ZNF462: variants seen among roughly 807,000 people sequenced by gnomAD.
The protein encoded by ZNF462 is zinc finger PBX1-interacting protein.
ZNF462 carries 10 observed loss-of-function variants against 201.9 expected under a neutral mutation model. The observed-to-expected ratio is 0.05, with a 90% CI of 0.03 to 0.08. The LOEUF (loss-of-function observed/expected upper bound fraction) is 0.08. Among genes scored for constraint, ZNF462 ranks in the 10% least tolerant of loss-of-function variants. The pLI is 1.00. For missense variants in ZNF462, 2,523 were observed against 3,168.3 expected, an observed-to-expected ratio of 0.80 and a Z score of 4.89; for synonymous variants, 1,227 against 1,193.3, an observed-to-expected ratio of 1.03 and a Z score of -0.58.
chr9:107,011,263 G>A lies in ZNF462; in HGVS notation c.*233G>A. 2.1e-6 allele frequency: 1 copy of A among 486,804 alleles called. No homozygotes were observed. The highest frequency in any genetic ancestry group is 3.7e-6 in the Non-Finnish European group (1 of 269,328). The allele number at this position is 486,804 out of a possible 1,614,324, so 30.2% of individuals were successfully genotyped here. A position where few individuals can be genotyped will look rare whatever the true frequency, so the allele number is the denominator to read the frequency against. On this transcript the variant is annotated 3_prime_UTR_variant, in exon 13 of 13. Transcript: ENST00000277225. This position sits in a 1 kb window ranked among gnomAD's most constrained non-coding sequence, Gnocchi z 5.6. ...TTTCCATCACTACATCTTTTCTTCC[G>A]GATCTTCATCATGGAAGTTTCATTT... is the stretch of plus-strand genomic sequence containing the variant.
At chr9:106,945,199 T>TATTTCA in intron 7 of ZNF462, among the ~76,000 whole-genome samples, 1 of 152,208 alleles carries the variant, frequency 6.6e-6, no homozygotes. Context: ...GATTCATATA[T>TATTTCA]GAAATGTAAG....
In ZNF462 at chr9:106,911,015, C is replaced by G. The variant is rs114764962; in HGVS notation, c.-30-12339C>G. Among the ~76,000 whole-genome samples, 541 of 152,200 alleles carry G rather than the reference C, an allele frequency of 3.6e-3. 6 individuals carry two copies. Among genetic ancestry groups the G allele is most frequent in the African/African-American group, 0.012 (516 of 41,498 alleles). ...GGATTTACCCAACTCTTAGTATTTT[C>G]TAGGTAAAATACTCTGATTCTTTCC... On this transcript the variant is annotated intron_variant, in intron 1 of 12. Transcript: ENST00000277225.
At chr9:106,948,132 G>C (rs1166689081) in intron 7 of ZNF462, among the ~76,000 whole-genome samples, 1 of 152,094 alleles carries the variant, frequency 6.6e-6, no homozygotes, top group Non-Finnish European at 1.5e-5. Context: ...TATCAGACAT[G>C]AGCAGAGATA....
At chr9:106,908,927 A>G (rs1349484140) in intron 1 of ZNF462, among the ~76,000 whole-genome samples, 2 of 27,538 alleles carry the variant, frequency 7.3e-5, no homozygotes, top group African/African-American at 4.8e-4. Flanking sequence ...ATATATATAT[A>G]TATATATATA....
chr9:107,008,138 C>T lies in ZNF462; in HGVS notation c.7190-1407C>T, dbSNP rs535387358. Among the ~76,000 whole-genome samples, 1 of 152,084 alleles carries T rather than the reference C, an allele frequency of 6.6e-6. No homozygotes were observed. ...ACCCAAGCAGAATCCTCCCCACCCC[C>T]CTCTCATTATGCAGTTGGGGAGGAG... On this transcript the variant is annotated intron_variant, in intron 11 of 12. Coordinates refer to ENST00000277225, the MANE Select transcript of ZNF462 (RefSeq NM_021224.6). The surrounding 1 kb of genome is among the most constrained non-coding windows in gnomAD (Gnocchi z 4.8).
chr9:107,009,675 TG>T lies in ZNF462; in HGVS notation c.7313+10del. 16 of 1,448,608 alleles carry T rather than the reference TG, an allele frequency of 1.1e-5. No individual in the cohort carries two copies. Among genetic ancestry groups the T allele is most frequent in the Non-Finnish European group, 1.5e-5 (16 of 1,078,460 alleles). The allele number at this position is 1,448,608 out of a possible 1,614,324, so 89.7% of individuals were successfully genotyped here. A position where few individuals can be genotyped will look rare whatever the true frequency, so the allele number is the denominator to read the frequency against. On this transcript the variant is annotated splice_region_variant and intron_variant, in intron 12 of 12. Transcript: ENST00000277225. This position sits in a 1 kb window ranked among gnomAD's most constrained non-coding sequence, Gnocchi z 6.1. Reference sequence around the variant, plus strand: ...ATGTGCTGAGACACGGCATGTAAGTTGGGCCACTTCAAGGATGCCTTTGTCC... The same window carrying T: ...ATGTGCTGAGACACGGCATGTAAGTTGGCCACTTCAAGGATGCCTTTGTCC...
chr9:106,879,448 C>T (rs1027271094), intron 1 of ZNF462, among the ~76,000 whole-genome samples: 1 of 150,590 alleles, frequency 6.6e-6, no homozygotes. Flanking sequence ...TTTTCTGCCT[C>T]TTTTGGAACC....
Position 106,977,941 on chromosome 9 carries a change from CAA to C in ZNF462, c.6832+3669_6832+3670del, listed in dbSNP as rs1827141388. Among the ~76,000 whole-genome samples, 1 of 151,604 alleles carries C rather than the reference CAA, an allele frequency of 6.6e-6. No homozygotes were observed. Among genetic ancestry groups the C allele is most frequent in the African/African-American group, 2.4e-5 (1 of 40,868 alleles). On this transcript the variant is annotated intron_variant, in intron 9 of 12. Transcript: ENST00000277225. The surrounding 1 kb of genome is among the most constrained non-coding windows in gnomAD (Gnocchi z 4.6). ...CAGAGCTGTGTTTCCTCTGAAGGCA[CAA>C]GAGAAGGATCCTTATTTGCCTCTTC...
intron 1 of ZNF462, among the ~76,000 whole-genome samples, chr9:106,903,674 C>T (rs1829151817): frequency 6.6e-6 from 1 of 152,152 alleles, no homozygotes; most frequent in South Asian, 2.1e-4. Context: ...CCATTGTATA[C>T]TGTCCCTCTT....
chr9:106,929,551 T>G lies in ZNF462; in HGVS notation c.5639T>G (p.Ile1880Ser), dbSNP rs921193404. The G allele has an allele frequency of 2.5e-6, 4 of 1,614,074 alleles. No homozygotes were observed. The highest frequency in any genetic ancestry group is 3.4e-6 in the Non-Finnish European group (4 of 1,180,046). Reference protein sequence around the residue: ...HSRDLKRDFIILGNGPRLQNS... With the variant: ...HSRDLKRDFISLGNGPRLQNS... The stretch of plus-strand genomic sequence containing the variant: ...CGGGACCTAAAGAGGGACTTCATCA[T>G]TCTGGGCAACGGCCCCCGCTTGCAG... The change falls in exon 3 of 13, where the codon ATT becomes AGT. Residue 1880 changes from isoleucine (I) to serine (S), a missense_variant. This residue lies in a region of ZNF462 where 207 missense variants were observed against 231.6 expected (regional missense o/e 0.89). Transcript: ENST00000277225. The surrounding 1 kb of genome is among the most constrained non-coding windows in gnomAD (Gnocchi z 8.7).
chr9:106,999,811 A>C (rs1829045136), intron 10 of ZNF462, among the ~76,000 whole-genome samples: 2 of 152,330 alleles, frequency 1.3e-5, no homozygotes, highest in South Asian at 4.1e-4. Context: ...AATGAAAATG[A>C]AGATATCCAG....
chr9:106,910,684 A>G (rs1441853774), intron 1 of ZNF462, among the ~76,000 whole-genome samples: 1 of 150,022 alleles, frequency 6.7e-6, no homozygotes, highest in East Asian at 2.0e-4. Context: ...GTGTGGCCAA[A>G]CTCTTTTTTT....
intron 1 of ZNF462, among the ~76,000 whole-genome samples, chr9:106,884,665 CATT>C (rs1405207899): frequency 1.3e-5 from 2 of 152,162 alleles, no homozygotes; most frequent in African/African-American, 4.8e-5. Context: ...AAAGGAAACA[CATT>C]ATGTTGATTT....
rs763249913 is a variant in ZNF462, at chr9:106,930,653, G to A, written c.5976G>A (p.Gln1992=). 1.2e-6 allele frequency: 2 copies of A among 1,614,190 alleles called. No homozygotes were observed. The highest frequency in any genetic ancestry group is 1.7e-6 in the Non-Finnish European group (2 of 1,180,032). Residue 1992 remains glutamine (Q), a synonymous_variant, in exon 4 of 13, where the codon CAG becomes CAA. Coordinates refer to ENST00000277225, the MANE Select transcript of ZNF462 (RefSeq NM_021224.6). The surrounding 1 kb of genome is among the most constrained non-coding windows in gnomAD (Gnocchi z 5.8). ...GCAATCACCTCCGAAAGCACGTCCA[G>A]TATGGCAATGTCCCAGCTGTGTCAG... ...AICNHLRKHV[Q]YGNVPAVSAA...
chr9:106,864,094 CTCTCTCTCT>C (rs1564062716), intron 1 of ZNF462, among the ~76,000 whole-genome samples: 25 of 129,938 alleles, frequency 1.9e-4, no homozygotes, highest in Non-Finnish European at 2.7e-4. Context: ...CTCTCTCTCT[CTCTCTCTCT>C]CTCTCTCCCT....
rs971063637 is a variant in ZNF462 at position 106,984,829 on chromosome 9, C to T, written c.7056+420C>T. 2.0e-5 allele frequency among the ~76,000 whole-genome samples: 3 copies of T among 152,100 alleles called. No homozygotes were observed. Among genetic ancestry groups the T allele is most frequent in the Non-Finnish European group, 4.4e-5 (3 of 68,026 alleles). ...GGGTTTGGCAGTTTCTATAAAGGAC[C>T]GGAGAGCAAATATTTTAGCCTTTGC... On this transcript the variant is annotated intron_variant, in intron 10 of 12. Transcript: ENST00000277225. The surrounding 1 kb of genome is among the most constrained non-coding windows in gnomAD (Gnocchi z 6.4).
Position 106,925,918 on chromosome 9 carries a change from A to G in ZNF462, c.2006A>G (p.Asn669Ser). The G allele has an allele frequency of 6.2e-7, 1 of 1,614,186 alleles. No individual in the cohort carries two copies. Among genetic ancestry groups the G allele is most frequent in the Non-Finnish European group, 8.5e-7 (1 of 1,180,026 alleles). ...QTSILGLSSK[N>S]NFVAKASRKL... ...TCAATTCTTGGGTTGTCCTCCAAGA[A>G]CAATTTTGTAGCTAAAGCCTCTAGG... The change falls in exon 3 of 13, where the codon AAC becomes AGC. Residue 669 changes from asparagine to serine, a missense_variant. Physicochemically the swap from Asn to Ser is conservative, Grantham distance 46. Transcript: ENST00000277225. This position sits in a 1 kb window ranked among gnomAD's most constrained non-coding sequence, Gnocchi z 7.9.
In ZNF462 at chr9:106,925,136, A is replaced by C; in HGVS notation, c.1224A>C (p.Thr408=). The C allele has an allele frequency of 6.2e-7, 1 of 1,614,230 alleles. No homozygotes were observed. Among genetic ancestry groups the C allele is most frequent in the Non-Finnish European group, 8.5e-7 (1 of 1,180,040 alleles). Residue 408 remains threonine (T), a synonymous_variant, in exon 3 of 13, where the codon ACA becomes ACC. Transcript: ENST00000277225. The surrounding 1 kb of genome is among the most constrained non-coding windows in gnomAD (Gnocchi z 7.9). ...GTTTAAGTGCTATGGATCACCAGAC[A>C]TCAGGCCTGTCTGCAGAGCAGCTGA... ...ENGLSAMDHQ[T]SGLSAEQLMG...
At position 106,928,841 on chromosome 9, in the gene ZNF462, C is replaced by T. The variant is rs374072749; in HGVS notation, c.4929C>T (p.Pro1643=). The T allele has an allele frequency of 3.1e-5, 50 of 1,614,014 alleles. No homozygotes were observed. The highest frequency in any genetic ancestry group is 5.0e-5 in the Admixed American group (3 of 60,012). The stretch of plus-strand genomic sequence containing the variant: ...CTGAGGAGGAGGTGGGAGAGGAGCC[C>T]GTGTCCACTTCTCACTTCTCTACCT... ...SITEEEVGEE[P]VSTSHFSTSH... The change falls in exon 3 of 13, where the codon CCC becomes CCT. Residue 1643 remains proline, a synonymous_variant. Transcript: ENST00000277225. The surrounding 1 kb of genome is among the most constrained non-coding windows in gnomAD (Gnocchi z 9.3).
Sources: allele counts gnomAD v4.1 joint callset (sites outside exome capture counted in the v4.1 genomes callset), GRCh38; gene constraint gnomAD v4.1.1; regional missense constraint gnomAD v4.1.1; non-coding constraint Gnocchi (gnomAD v3.1); transcripts MANE v1.5; gene names NCBI Gene and HGNC (gene_info 2026-07-23, HGNC 2026-07-21).